SNTB2: variants seen among roughly 807,000 people sequenced by gnomAD.
The protein encoded by SNTB2 is syntrophin beta 2.
A neutral mutation model predicts 46.2 loss-of-function variants in SNTB2; 34 were observed. The observed-to-expected ratio is 0.74, with a 90% confidence interval of 0.56 to 0.98. The LOEUF is 0.98. Among genes scored for constraint, SNTB2 ranks in the 50% least tolerant of loss-of-function variants. SNTB2 has a pLI of 0.00. For synonymous variants in SNTB2, 290 were observed against 312.6 expected (o/e 0.93, Z 0.76); for missense variants, 603 against 731.4 (o/e 0.82, Z 2.02).
intron 4 of SNTB2, among the ~76,000 whole-genome samples, chr16:69,283,690 C>T (rs1965072238): frequency 6.6e-6 from 1 of 152,064 alleles, no homozygotes; most frequent in South Asian, 2.1e-4. Context: ...ATACATATAA[C>T]CTCTTGGGAG....
At chr16:69,211,228 A>G (rs1402119268) in intron 1 of SNTB2, among the ~76,000 whole-genome samples, 2 of 152,154 alleles carry the variant, frequency 1.3e-5, no homozygotes, top group Non-Finnish European at 2.9e-5. Context: ...TTAGGGTAAT[A>G]TTCTGGGACA....
intron 4 of SNTB2, among the ~76,000 whole-genome samples, chr16:69,275,954 C>T (rs576644286): frequency 5.9e-4 from 90 of 152,230 alleles, no homozygotes; most frequent in Admixed American, 1.8e-3. Context: ...TGCACATTTA[C>T]AGATTCTTCA....
chr16:69,269,009 A>G (rs1276217770), intron 3 of SNTB2, among the ~76,000 whole-genome samples: 1 of 151,394 alleles, frequency 6.6e-6, no homozygotes, highest in African/African-American at 2.4e-5. Flanking sequence ...GTCTCTACTA[A>G]AAATACAAAA....
chr16:69,296,326 C>G (rs1965223530), intron 5 of SNTB2, among the ~76,000 whole-genome samples: 2 of 152,018 alleles, frequency 1.3e-5, no homozygotes, highest in Non-Finnish European at 2.9e-5. Context: ...ATATCTAGAC[C>G]TAAATACATT....
intron 4 of SNTB2, among the ~76,000 whole-genome samples, chr16:69,281,925 G>A (rs1359758099): frequency 1.8e-4 from 22 of 124,270 alleles, no homozygotes; most frequent in Non-Finnish European, 3.5e-4. Context: ...TTTTTTTTGA[G>A]AGGGAGTCTC....
chr16:69,284,099 T>TAA lies in SNTB2; in HGVS notation c.1201_1202insAA (p.Thr401LysfsTer43). 6.2e-7 allele frequency: 1 copy of TAA among 1,614,028 alleles called. No individual in the cohort carries two copies. The highest frequency in any genetic ancestry group is 1.3e-5 in the African/African-American group (1 of 75,000). On this transcript the variant is annotated frameshift_variant, in exon 5 of 7. Coordinates refer to ENST00000336278, the MANE Select transcript of SNTB2 (RefSeq NM_006750.4). LOFTEE classifies it high-confidence loss of function. ...GATCCCCCTCCCTTGGATCTGACCT[T>TAA]ACATTTGCTACCAGGACAGGCTCTC...
At chr16:69,293,456 C>T (rs1397904230) in intron 5 of SNTB2, among the ~76,000 whole-genome samples, 4 of 152,084 alleles carry the variant, frequency 2.6e-5, no homozygotes, top group African/African-American at 7.2e-5. Flanking sequence ...TTGGATTTAG[C>T]GATATGGAGA....
chr16:69,212,502 C>A (rs1964298864), intron 1 of SNTB2, among the ~76,000 whole-genome samples: 1 of 151,946 alleles, frequency 6.6e-6, no homozygotes, highest in East Asian at 1.9e-4. Flanking sequence ...CCAGGCCCAG[C>A]TGATTTTTGT....
chr16:69,192,534 A>G (rs1305160611), intron 1 of SNTB2, among the ~76,000 whole-genome samples: 1 of 152,202 alleles, frequency 6.6e-6, no homozygotes, highest in African/African-American at 2.4e-5. Context: ...TAAACAGTAT[A>G]CTGTATCTGG....
chr16:69,214,872 C>T (rs1964331395), intron 1 of SNTB2, among the ~76,000 whole-genome samples: 1 of 151,120 alleles, frequency 6.6e-6, no homozygotes, highest in Admixed American at 6.6e-5. Context: ...GACATATGGT[C>T]TCGTTCTGTC....
At chr16:69,235,748 G>A (rs750818629) in intron 1 of SNTB2, 47 of 1,289,132 alleles carry the variant, frequency 3.6e-5, no homozygotes, top group Non-Finnish European at 4.7e-5. Context: ...CTGCTTTCAG[G>A]CCTATAATGA....
intron 1 of SNTB2, among the ~76,000 whole-genome samples, chr16:69,219,983 C>T (rs1469327811): frequency 2.0e-5 from 3 of 151,790 alleles, no homozygotes; most frequent in Non-Finnish European, 2.9e-5. Flanking sequence ...ATCTCCTGAC[C>T]TCATGATCTG....
chr16:69,199,552 AC>A (rs1191573522), intron 1 of SNTB2, among the ~76,000 whole-genome samples: 1 of 147,360 alleles, frequency 6.8e-6, no homozygotes, highest in Admixed American at 6.9e-5. Flanking sequence ...CCATGATTGC[AC>A]CACTGCACTC....
At position 69,187,640 on chromosome 16, in the gene SNTB2, G is replaced by C. The variant is rs1458230474; in HGVS notation, c.474G>C (p.Arg158=). The C allele has an allele frequency of 6.4e-7, 1 of 1,550,422 alleles. No homozygotes were observed. The highest frequency in any genetic ancestry group is 2.0e-5 in the Admixed American group (1 of 50,934). Residue 158 remains arginine, a synonymous_variant, in exon 1 of 7, where the codon CGG becomes CGC. Coordinates refer to ENST00000336278, the MANE Select transcript of SNTB2 (RefSeq NM_006750.4). ...GLAADQSRAL[R]LGDAILSVNG... ...CTGCCGACCAGAGCCGGGCGCTGCG[G>C]CTGGGCGACGCCATCCTGTCGGTGA...
intron 2 of SNTB2, among the ~76,000 whole-genome samples, chr16:69,258,574 T>C (rs745847651): frequency 4.8e-4 from 73 of 150,878 alleles, no homozygotes; most frequent in Non-Finnish European, 8.4e-4. Context: ...TTTTACAGAG[T>C]AATAATCTTC....
At chr16:69,266,201 C>A (rs2143107410) in intron 3 of SNTB2, among the ~76,000 whole-genome samples, 1 of 152,246 alleles carries the variant, frequency 6.6e-6, no homozygotes, top group South Asian at 2.1e-4. Context: ...CCCATCTCTA[C>A]TAAAAATACA....
chr16:69,281,775 G>A (rs929623078), intron 4 of SNTB2, among the ~76,000 whole-genome samples: 24 of 151,416 alleles, frequency 1.6e-4, no homozygotes, highest in East Asian at 2.0e-4. Flanking sequence ...CCCAGGAAGC[G>A]GAGGTTGCAG....
At chr16:69,274,706 G>A (rs1964970125) in intron 4 of SNTB2, among the ~76,000 whole-genome samples, 1 of 151,028 alleles carries the variant, frequency 6.6e-6, no homozygotes, top group South Asian at 2.1e-4. Flanking sequence ...GCACGTGCCT[G>A]TAATCCCAGC....
At chr16:69,215,737 G>T (rs1207783269) in intron 1 of SNTB2, among the ~76,000 whole-genome samples, 1 of 152,074 alleles carries the variant, frequency 6.6e-6, no homozygotes, top group Non-Finnish European at 1.5e-5. Context: ...TGCTTTATGC[G>T]CTTTATCTCA....
Sources: gnomAD v4.1 joint callset for allele counts (sites outside exome capture counted in the v4.1 genomes callset) on GRCh38, gnomAD v4.1.1 for gene constraint, MANE v1.5 for transcripts, NCBI Gene and HGNC (gene_info 2026-07-23, HGNC 2026-07-21) for gene names.